The following PDXDC1 variants were observed in gnomAD, a reference collection of about 807,000 sequenced individuals.
PDXDC1 encodes pyridoxal-dependent decarboxylase domain-containing protein 1.
Under a neutral mutation model 100.1 loss-of-function variants are expected in PDXDC1, and 42 were observed. The observed-to-expected ratio is 0.42, with a 90% CI of 0.33 to 0.54. The LOEUF (loss-of-function observed/expected upper bound fraction) is 0.54, where lower values mean the gene tolerates loss of function less well. Ranked by LOEUF, PDXDC1 falls within the 20% of genes least tolerant of loss-of-function variation. PDXDC1 has a pLI of 0.10. For missense variants in PDXDC1, 636 were observed against 979.2 expected, an observed-to-expected ratio of 0.65 and a Z score of 4.68; for synonymous variants, 260 against 371.7, an observed-to-expected ratio of 0.70 and a Z score of 3.46.
intron 16 of PDXDC1, chr16:15,136,159 G>C (rs1294473182): frequency 1.8e-6 from 2 of 1,128,324 alleles, no homozygotes; most frequent in Non-Finnish European, 2.6e-6. Context: ...ATGCCAGGGG[G>C]CTCAGGGCAC....
At chr16:15,011,041 T>C (rs2041219706) in intron 8 of PDXDC1, among the ~76,000 whole-genome samples, 1 of 152,286 alleles carries the variant, frequency 6.6e-6, no homozygotes, top group Non-Finnish European at 1.5e-5. Flanking sequence ...TCTTAAAATC[T>C]CAGCAGGCTA....
intron 16 of PDXDC1, among the ~76,000 whole-genome samples, chr16:15,129,540 G>A (rs572965809): frequency 1.2e-3 from 180 of 152,334 alleles, no homozygotes; most frequent in Non-Finnish European, 2.0e-3. Flanking sequence ...GGGTGCTGGC[G>A]CCTCCGTCTG....
At chr16:15,032,685 T>A in intron 17 of PDXDC1, 176 bp from the exon 18 acceptor site, 1 of 444,556 alleles carries the variant, frequency 2.2e-6, no homozygotes, top group Admixed American at 3.7e-5. Flanking sequence ...TCCTGTGACT[T>A]TCTCTTTACT....
At chr16:14,984,879 T>G (rs1224008983) in intron 1 of PDXDC1, among the ~76,000 whole-genome samples, 2 of 152,222 alleles carry the variant, frequency 1.3e-5, no homozygotes, top group African/African-American at 4.8e-5. Flanking sequence ...AGATGAAATT[T>G]TTTTTTTTCC....
chr16:14,996,957 C>T (rs1190784283), intron 1 of PDXDC1, among the ~76,000 whole-genome samples: 7 of 152,252 alleles, frequency 4.6e-5, no homozygotes, highest in Admixed American at 2.0e-4. Flanking sequence ...TACCAAAGAC[C>T]AAGTTGTCCA....
At chr16:15,013,208 G>T (rs1264228507) in intron 8 of PDXDC1, among the ~76,000 whole-genome samples, 9 of 152,224 alleles carry the variant, frequency 5.9e-5, no homozygotes, top group Admixed American at 2.0e-4. Flanking sequence ...AACTTGCCAG[G>T]TGTGGTGGTG....
intron 9 of PDXDC1, chr16:15,016,495 A>C: frequency 4.1e-6 from 3 of 725,652 alleles, no homozygotes; most frequent in Non-Finnish European, 4.1e-6. Context: ...GGTTTCCTCT[A>C]TCTGTGGACA....
Position 15,008,842 on chromosome 16 carries a change from C to A in PDXDC1, c.643C>A (p.Gln215Lys), listed in dbSNP as rs761397693. 1.9e-6 allele frequency: 3 copies of A among 1,613,656 alleles called. No individual in the cohort carries two copies. Among genetic ancestry groups the A allele is most frequent in the South Asian group, 1.1e-5 (1 of 91,024 alleles). The change falls in exon 7 of 23, where the codon CAG becomes AAG. Residue 215 changes from glutamine (Q) to lysine (K), a missense_variant. Physicochemically the swap from Gln to Lys is moderately conservative, Grantham distance 53. Around this residue, in one of 4 missense-constraint regions of PDXDC1, gnomAD observed 125 missense variants for 479.9 expected, o/e 0.26. Transcript: ENST00000396410. ...PCNTVFGSQH[Q>K]MDVAFLEKLI... ...TAACACTGTGTTTGGATCCCAGCAT[C>A]AGATGGTGAGTTCTACTTTTGGTTT... is the stretch of plus-strand genomic sequence containing the variant.
At chr16:15,033,245 G>C (rs747746735) in intron 18 of PDXDC1, 33 bp from the exon 19 acceptor site, 4 of 1,613,344 alleles carry the variant, frequency 2.5e-6, no homozygotes, top group Non-Finnish European at 2.5e-6. Context: ...ACAGAGGACT[G>C]AGAAACTCAA....
rs764481352 is a variant in PDXDC1 at position 15,131,148 on chromosome 16, G to A, written c.1400-7731G>A. The A allele has an allele frequency of 1.3e-4, 211 of 1,592,332 alleles. 1 individual carries two copies. The highest frequency in any genetic ancestry group is 1.7e-4 in the Non-Finnish European group (195 of 1,167,436). On this transcript the variant is annotated intron_variant, in intron 16 of 16. Transcript: ENST00000535621. ...CGGCCGCAGGGTTGCTGCTGTCCAG[G>A]GTGACCACAGCACCGACGGAGGCCT...
intron 16 of PDXDC1, among the ~76,000 whole-genome samples, chr16:15,097,938 C>T (rs1482726718): frequency 4.5e-5 from 4 of 89,620 alleles, no homozygotes; most frequent in South Asian, 4.3e-4. Context: ...CAACATTATG[C>T]TTTTTTTTTT....
chr16:15,030,465 G>A (rs1344316590), intron 16 of PDXDC1, among the ~76,000 whole-genome samples: 1 of 131,820 alleles, frequency 7.6e-6, no homozygotes, highest in Admixed American at 9.0e-5. Context: ...AGAATCACTT[G>A]AACCTGGGAG....
At position 15,037,367 on chromosome 16, in the gene PDXDC1, A is replaced by C. The variant is rs1013096725; in HGVS notation, c.*1092A>C. The C allele has an allele frequency of 6.6e-6, 1 of 152,194 alleles. No individual in the cohort carries two copies. The highest frequency in any genetic ancestry group is 2.4e-5 in the African/African-American group (1 of 41,430). 9.4% of individuals were successfully genotyped at this position (152,194 alleles called of 1,614,324 possible). On this transcript the variant is annotated 3_prime_UTR_variant, in exon 23 of 23. Transcript: ENST00000396410. ...GGGAGACCTGAAAATGGGAAAATTCACACTGGGTTTCTGGACTGTAGTATT... is the reference window on the plus strand; with the variant it reads ...GGGAGACCTGAAAATGGGAAAATTCCCACTGGGTTTCTGGACTGTAGTATT...
intron 16 of PDXDC1, chr16:15,047,085 A>G: frequency 3.6e-6 from 1 of 280,652 alleles, no homozygotes; most frequent in Admixed American, 4.8e-5. Context: ...GGTGTAGGTG[A>G]GAGGAAGCAT....
At position 15,032,923 on chromosome 16, in the gene PDXDC1, A is replaced by T; in HGVS notation, c.1634A>T (p.His545Leu). 2 of 1,612,734 alleles carry T rather than the reference A, an allele frequency of 1.2e-6. No homozygotes were observed. The highest frequency in any genetic ancestry group is 1.7e-6 in the Non-Finnish European group (2 of 1,178,660). ...LKSDPEGENI[H>L]AGLLKKLNEL... is the part of the protein sequence containing the mutation. ...TCAGATCCCGAAGGGGAAAACATCCATGCTGGACTCCTGAAGAAGTTAAAT... is the reference window on the plus strand; with the variant it reads ...TCAGATCCCGAAGGGGAAAACATCCTTGCTGGACTCCTGAAGAAGTTAAAT... The change falls in exon 18 of 23, where the codon CAT becomes CTT. Residue 545 changes from histidine (H) to leucine (L), a missense_variant. His to Leu is a moderately conservative substitution (Grantham distance 99). Coordinates refer to ENST00000396410, the MANE Select transcript of PDXDC1 (RefSeq NM_015027.4).
chr16:15,146,990 G>A, the PDXDC1 span, among the ~76,000 whole-genome samples: 15 of 152,042 alleles, frequency 9.9e-5, no homozygotes, highest in African/African-American at 3.6e-4. Context: ...CTGACTCCAG[G>A]GCGCAAATTC....
At chr16:15,125,079 G>A (rs2047631814) in intron 16 of PDXDC1, among the ~76,000 whole-genome samples, 1 of 148,576 alleles carries the variant, frequency 6.7e-6, no homozygotes, top group African/African-American at 2.5e-5. Context: ...CCCGGGAGGC[G>A]GAGGTTGCAG....
downstream of PDXDC1, chr16:15,038,334 G>A: frequency 4.2e-6 from 3 of 716,764 alleles, no homozygotes; most frequent in Non-Finnish European, 2.2e-6. Flanking sequence ...AAGAAATGAG[G>A]TGGCCTGAAT....
rs1261282861 is a variant in PDXDC1, at chr16:15,028,305, A to G, written c.1205-573A>G. Among the ~76,000 whole-genome samples the G allele has an allele frequency of 5.2e-5, 8 of 152,412 alleles. No individual in the cohort carries two copies. In the East Asian group the frequency reaches 1.5e-3, roughly 29 times the overall value. ...GCTCCTCCTCACCATTTCGGTCTCC[A>G]CTAAGTATCCACATCCTCAGCCTTC... On this transcript the variant is annotated intron_variant, in intron 14 of 22. Coordinates refer to ENST00000396410, the MANE Select transcript of PDXDC1 (RefSeq NM_015027.4).
Sources: gnomAD v4.1 joint callset for allele counts (sites outside exome capture counted in the v4.1 genomes callset) on GRCh38, gnomAD v4.1.1 for gene constraint, gnomAD v4.1.1 regional missense constraint, MANE v1.5 for transcripts, NCBI Gene and HGNC (gene_info 2026-07-23, HGNC 2026-07-21) for gene names.